The following PAX3 variants were observed in gnomAD, a reference collection of about 807,000 sequenced individuals.
The protein encoded by PAX3 is paired box protein Pax-3.
Under a neutral mutation model 51.6 loss-of-function variants are expected in PAX3, and 14 were observed. That is an observed-to-expected ratio of 0.27 (90% CI 0.18 to 0.42). The LOEUF (loss-of-function observed/expected upper bound fraction) is 0.42. PAX3 is among the 10% of genes least tolerant of loss of function. The probability of loss-of-function intolerance (pLI) is 1.00; values close to 1 mark genes in which losing one functional copy is unlikely to be tolerated. For missense variants in PAX3, 540 were observed against 642.8 expected (o/e 0.84, Z 1.73); for synonymous variants, 280 against 253.4 (o/e 1.11, Z -1.00).
rs1338521280 is a variant in PAX3 at position 222,224,889 on chromosome 2, C to T, written c.793-3502G>A. ...GAATAGCAGTAGCAACAGAGGCAAA[C>T]TGGCCTATGACTGATGTTCTAGGAG... On this transcript the variant is annotated intron_variant, in intron 5 of 8. Coordinates refer to ENST00000392070, the MANE Select transcript of PAX3 (RefSeq NM_181458.4). Among the ~76,000 whole-genome samples the T allele has an allele frequency of 5.3e-5, 8 of 152,154 alleles. 1 individual carries two copies. Among genetic ancestry groups the T allele is most frequent in the Admixed American group, 5.2e-4 (8 of 15,268 alleles).
chr2:222,281,205 C>T (rs1694634404), intron 4 of PAX3, among the ~76,000 whole-genome samples: 2 of 152,218 alleles, frequency 1.3e-5, no homozygotes, highest in South Asian at 4.1e-4. Flanking sequence ...CATTTATTTG[C>T]TCAACTTGAA....
At chr2:222,233,500 A>G (rs928668057) in intron 4 of PAX3, among the ~76,000 whole-genome samples, 1 of 152,116 alleles carries the variant, frequency 6.6e-6, no homozygotes, top group Non-Finnish European at 1.5e-5. Context: ...TGGAGCAGGC[A>G]TTTTCCCTGT....
chr2:222,296,814 G>T (rs1288792665), intron 2 of PAX3, among the ~76,000 whole-genome samples, 164 bp downstream of exon 2: 1 of 152,234 alleles, frequency 6.6e-6, no homozygotes, highest in Non-Finnish European at 1.5e-5. Context: ...TGTCCAGGGC[G>T]CGTGCACACG....
At chr2:222,229,885 C>T (rs985721611) in intron 5 of PAX3, among the ~76,000 whole-genome samples, 1 of 152,208 alleles carries the variant, frequency 6.6e-6, no homozygotes, top group Admixed American at 6.5e-5. Flanking sequence ...GAAAGTTCAT[C>T]TTAAATCTGC....
In PAX3 at chr2:222,298,552, G is replaced by A. The variant is rs1026986168; in HGVS notation, c.64C>T (p.Arg22Cys). 1.2e-6 allele frequency: 2 copies of A among 1,606,358 alleles called. No homozygotes were observed. Among genetic ancestry groups the A allele is most frequent in the South Asian group, 1.1e-5 (1 of 89,732 alleles). ...MRPGPGQNYP[R>C]SGFPLEVSTP... ...TTACCTTCCAGCGGGAACCCGCTAC[G>A]CGGGTAGTTCTGCCCCGGGCCCGGC... Residue 22 changes from arginine (R) to cysteine (C), a missense_variant, in exon 1 of 9, where the codon CGT (arginine) becomes TGT (cysteine). Physicochemically the swap from Arg to Cys is radical, Grantham distance 180. This residue lies in a region of PAX3 where 63 missense variants were observed against 49.9 expected (regional missense o/e 1.26). Transcript: ENST00000392070.
intron 4 of PAX3, among the ~76,000 whole-genome samples, chr2:222,250,796 G>A (rs1166098023): frequency 6.6e-6 from 1 of 152,090 alleles, no homozygotes; most frequent in Non-Finnish European, 1.5e-5. Flanking sequence ...TGCCCCAAAT[G>A]ATTCATTAGA....
chr2:222,276,835 C>G (rs1337033334), intron 4 of PAX3, among the ~76,000 whole-genome samples: 1 of 152,162 alleles, frequency 6.6e-6, no homozygotes, highest in East Asian at 1.9e-4. Context: ...GTCCAAGATC[C>G]CCCCTAAGGG....
intron 6 of PAX3, 63 bp from the exon 7 acceptor site, chr2:222,220,417 C>A (rs1692148795): frequency 6.6e-7 from 1 of 1,514,022 alleles, no homozygotes; most frequent in Non-Finnish European, 9.2e-7. Context: ...AAGTTCAGTG[C>A]AAAAGTTCAT....
At chr2:222,231,590 A>G (rs1158058646) in intron 5 of PAX3, among the ~76,000 whole-genome samples, 1 of 152,226 alleles carries the variant, frequency 6.6e-6, no homozygotes, top group African/African-American at 2.4e-5. Context: ...GATGAAGCGT[A>G]TGGGATCCAA....
intron 4 of PAX3, among the ~76,000 whole-genome samples, chr2:222,291,261 C>A (rs933813827): frequency 5.3e-5 from 8 of 152,152 alleles, no homozygotes; most frequent in Non-Finnish European, 1.2e-4. Context: ...AGTCTCAGCG[C>A]GGGCCAGGGG....
chr2:222,201,758 C>T lies in PAX3; in HGVS notation c.1420+186G>A, dbSNP rs78035924. ...ATTAATAACCGCAAGATGTTGTTGA[C>T]ATCAGTTAAGAAAATAATTACACAA... is the stretch of plus-strand genomic sequence containing the variant. On this transcript the variant is annotated intron_variant, in intron 8 of 8. Coordinates refer to ENST00000392070, the MANE Select transcript of PAX3 (RefSeq NM_181458.4). 29 of 1,477,894 alleles carry T rather than the reference C, an allele frequency of 2.0e-5. No individual in the cohort carries two copies. In the African/African-American group the frequency reaches 4.2e-4, roughly 21 times the overall value. 91.5% of individuals were successfully genotyped at this position (1,477,894 alleles called of 1,614,324 possible). A position where few individuals can be genotyped will look rare whatever the true frequency, so the allele number is the denominator to read the frequency against.
At chr2:222,295,397 T>C in intron 3 of PAX3, 131 bp downstream of exon 3, 7 of 1,092,402 alleles carry the variant, frequency 6.4e-6, no homozygotes, top group Admixed American at 1.8e-5. Context: ...TTGGCAAATA[T>C]TGCAGGGCCT....
chr2:222,202,226 G>T, intron 7 of PAX3, 36 bp from the exon 8 acceptor site: 1 of 1,427,150 alleles, frequency 7.0e-7, no homozygotes, highest in Non-Finnish European at 9.7e-7. Flanking sequence ...AGGTTAAAAT[G>T]CAGAGAGATC....
intron 1 of PAX3, among the ~76,000 whole-genome samples, chr2:222,297,847 G>C (rs552078493): frequency 6.6e-6 from 1 of 152,302 alleles, no homozygotes; most frequent in South Asian, 2.1e-4. Context: ...GGCTGGGTGT[G>C]AAGGGAGTGG....
At chr2:222,259,141 T>C (rs1693752249) in intron 4 of PAX3, among the ~76,000 whole-genome samples, 1 of 152,218 alleles carries the variant, frequency 6.6e-6, no homozygotes, top group Admixed American at 6.5e-5. Context: ...TGAGATCTAC[T>C]TTCCAAGAGT....
At chr2:222,286,056 G>T (rs1193435376) in intron 4 of PAX3, among the ~76,000 whole-genome samples, 2 of 152,198 alleles carry the variant, frequency 1.3e-5, no homozygotes, top group African/African-American at 2.4e-5. Context: ...TCCTGCCTCA[G>T]TCCCCCAAGT....
intron 7 of PAX3, among the ~76,000 whole-genome samples, chr2:222,202,999 T>C (rs1349629936): frequency 8.3e-6 from 1 of 120,056 alleles, no homozygotes; most frequent in Non-Finnish European, 1.7e-5. Flanking sequence ...ATTTCTTCTC[T>C]AAACAACCAT....
chr2:222,272,667 C>T (rs918038114), intron 4 of PAX3, among the ~76,000 whole-genome samples: 5 of 152,182 alleles, frequency 3.3e-5, no homozygotes, highest in South Asian at 2.1e-4. Context: ...TGCCTAAATG[C>T]GGGATGGCCA....
Position 222,298,522 on chromosome 2 carries a change from C to T in PAX3, c.85+9G>A, listed in dbSNP as rs1416360441. ...GGGATCCAGGCGGCGCGCTGAGGCCCTCCCTTACCTTCCAGCGGGAACCCG... is the reference window on the plus strand; with the variant it reads ...GGGATCCAGGCGGCGCGCTGAGGCCTTCCCTTACCTTCCAGCGGGAACCCG... On this transcript the variant is annotated intron_variant, in intron 1 of 8. Coordinates refer to ENST00000392070, the MANE Select transcript of PAX3 (RefSeq NM_181458.4). 5 of 1,597,794 alleles carry T rather than the reference C, an allele frequency of 3.1e-6. No individual in the cohort carries two copies. The South Asian group carries it at 3.4e-5, about 11-fold the overall frequency.
Sources: allele counts gnomAD v4.1 joint callset (sites outside exome capture counted in the v4.1 genomes callset), GRCh38; gene constraint gnomAD v4.1.1; regional missense constraint gnomAD v4.1.1; transcripts MANE v1.5; gene names NCBI Gene and HGNC (gene_info 2026-07-23, HGNC 2026-07-21).